NRG1: variants seen among roughly 807,000 people sequenced by gnomAD.
NRG1 encodes neuregulin 1, also known as pro-neuregulin-1, membrane-bound isoform.
Under a neutral mutation model 63.8 loss-of-function variants are expected in NRG1, and 18 were observed. The ratio of observed to expected loss-of-function variants is 0.28; its 90% CI spans 0.19 to 0.42. The LOEUF (loss-of-function observed/expected upper bound fraction) is 0.42, where lower values mean the gene tolerates loss of function less well. Ranked by LOEUF, NRG1 falls within the 10% of genes least tolerant of loss-of-function variation. The pLI, the probability that NRG1 is intolerant of heterozygous loss-of-function variation, is 1.00. For synonymous variants in NRG1, 302 were observed against 301.3 expected (o/e 1.00, Z -0.02); for missense variants, 762 against 814.7 (o/e 0.94, Z 0.79).
exon 12 of NRG1, chr8:32,764,188 G>C (rs949874609): frequency 1.2e-6 from 2 of 1,613,988 alleles, no homozygotes; most frequent in Non-Finnish European, 1.7e-6. Context: ...AGCTCCCAGA[G>C]CAGTAACTCA....
At chr8:32,183,230 C>G (rs1841617485) in intron 1 of NRG1, among the ~76,000 whole-genome samples, 1 of 152,070 alleles carries the variant, frequency 6.6e-6, no homozygotes, top group Non-Finnish European at 1.5e-5. Context: ...TAGAAATGCA[C>G]ATTGAGAAGA....
intron 1 of NRG1, among the ~76,000 whole-genome samples, chr8:32,087,606 G>T (rs1828439513): frequency 6.7e-6 from 1 of 148,678 alleles, no homozygotes; most frequent in African/African-American, 2.5e-5. Flanking sequence ...GAGTAGCTGG[G>T]ACTACAGGTG....
intron 1 of NRG1, among the ~76,000 whole-genome samples, chr8:32,529,870 A>G (rs1831261479): frequency 6.6e-6 from 1 of 152,178 alleles, no homozygotes; most frequent in Non-Finnish European, 1.5e-5. Context: ...TTTTTCAGAT[A>G]AGTAGAAGGA....
At chr8:32,633,029 AT>A (rs1167494825) in intron 5 of NRG1, among the ~76,000 whole-genome samples, 1 of 151,996 alleles carries the variant, frequency 6.6e-6, no homozygotes, top group African/African-American at 2.4e-5. Context: ...CATGTAATTC[AT>A]TTTTTTCTCT....
At chr8:31,888,550 T>G (rs890681879) in intron 1 of NRG1, among the ~76,000 whole-genome samples, 2 of 152,120 alleles carry the variant, frequency 1.3e-5, no homozygotes, top group African/African-American at 4.8e-5. Flanking sequence ...AGTTCAGAAT[T>G]GTCTTCTCTT....
intron 1 of NRG1, among the ~76,000 whole-genome samples, chr8:32,135,482 A>G (rs1310873192): frequency 6.6e-6 from 1 of 151,994 alleles, no homozygotes; most frequent in Non-Finnish European, 1.5e-5. Context: ...AAGATTTGTT[A>G]AAGAACTGGC....
chr8:32,234,076 G>A (rs1847285096), intron 1 of NRG1, among the ~76,000 whole-genome samples: 1 of 152,098 alleles, frequency 6.6e-6, no homozygotes, highest in Non-Finnish European at 1.5e-5. Context: ...ATTGATTTTT[G>A]CTTGCAAATG....
chr8:32,377,766 G>C (rs932501157), intron 1 of NRG1, among the ~76,000 whole-genome samples: 2 of 152,112 alleles, frequency 1.3e-5, no homozygotes, highest in Non-Finnish European at 2.9e-5. Context: ...TGTAATCAGA[G>C]AGTCTGCCTA....
chr8:32,228,730 A>G (rs1026621819), intron 1 of NRG1, among the ~76,000 whole-genome samples: 14 of 152,000 alleles, frequency 9.2e-5, no homozygotes, highest in Non-Finnish European at 1.9e-4. Flanking sequence ...ATTTAATTAG[A>G]TCCATATGAA....
At chr8:32,119,417 T>G (rs1214774513) in intron 1 of NRG1, among the ~76,000 whole-genome samples, 1 of 152,110 alleles carries the variant, frequency 6.6e-6, no homozygotes, top group Non-Finnish European at 1.5e-5. Context: ...TCTAGTAGTT[T>G]CCACCATTCC....
At chr8:31,669,839 A>G (rs878863335) in intron 1 of NRG1, among the ~76,000 whole-genome samples, 1 of 152,132 alleles carries the variant, frequency 6.6e-6, no homozygotes, top group South Asian at 2.1e-4. Flanking sequence ...TGAATAAAGC[A>G]TGTGTGTGCA....
chr8:31,950,385 T>C (rs1329019509), intron 1 of NRG1, among the ~76,000 whole-genome samples: 2 of 152,184 alleles, frequency 1.3e-5, no homozygotes, highest in Non-Finnish European at 2.9e-5. Flanking sequence ...GTTTGGGAAA[T>C]TTAAGGGTGG....
At chr8:32,428,129 A>G (rs1226383554) in intron 1 of NRG1, among the ~76,000 whole-genome samples, 1 of 152,214 alleles carries the variant, frequency 6.6e-6, no homozygotes, top group Non-Finnish European at 1.5e-5. Flanking sequence ...CAATGATCAC[A>G]GTGAACCACA....
At chr8:31,672,015 A>T (rs1389497135) in intron 1 of NRG1, among the ~76,000 whole-genome samples, 1 of 152,158 alleles carries the variant, frequency 6.6e-6, no homozygotes, top group East Asian at 1.9e-4. Flanking sequence ...ATTGAATGTC[A>T]CTATTATAAG....
At chr8:32,611,988 T>C (rs67222611) in intron 3 of NRG1, among the ~76,000 whole-genome samples, 21,132 of 152,030 alleles carry the variant, frequency 0.14, 3,388 homozygotes, top group East Asian at 0.51. Context: ...CCAGACCCCG[T>C]TTATTAAGAA....
At chr8:32,492,003 G>C (rs1304930135) in intron 1 of NRG1, among the ~76,000 whole-genome samples, 2 of 151,744 alleles carry the variant, frequency 1.3e-5, no homozygotes, top group Non-Finnish European at 2.9e-5. Flanking sequence ...AGAAATATCA[G>C]TATAGAATAT....
chr8:31,915,021 G>C (rs1833263077), intron 1 of NRG1, among the ~76,000 whole-genome samples: 1 of 151,302 alleles, frequency 6.6e-6, no homozygotes, highest in Admixed American at 6.6e-5. Flanking sequence ...CATTTGTTTG[G>C]GACATTTTTT....
At chr8:32,195,800 CAGGG>C (rs1842895336) in intron 1 of NRG1, among the ~76,000 whole-genome samples, 1 of 152,056 alleles carries the variant, frequency 6.6e-6, no homozygotes, top group Non-Finnish European at 1.5e-5. Flanking sequence ...GTTTGGAAGT[CAGGG>C]AATTGTTTAA....
chr8:32,749,274 G>T, intron 7 of NRG1: 1 of 448,980 alleles, frequency 2.2e-6, no homozygotes. Flanking sequence ...ATAATTTAGG[G>T]GATAGTTCAG....
Sources: gnomAD v4.1 joint callset for allele counts (sites outside exome capture counted in the v4.1 genomes callset) on GRCh38, gnomAD v4.1.1 for gene constraint, MANE v1.5 for transcripts, NCBI Gene and HGNC (gene_info 2026-07-23, HGNC 2026-07-21) for gene names.